TBC1D5: variants seen among roughly 807,000 people sequenced by gnomAD.
TBC1D5 encodes the protein TBC1 domain family member 5, also known as TBC1 domain family, member 5.
In TBC1D5, 75 loss-of-function variants were observed where a neutral mutation model predicts 100.3. That is an observed-to-expected ratio of 0.75 (90% CI 0.62 to 0.91). The LOEUF (loss-of-function observed/expected upper bound fraction) is 0.91. Ranked by LOEUF, TBC1D5 falls within the 40% of genes least tolerant of loss-of-function variation. The pLI is 0.00. For missense variants in TBC1D5, 910 were observed against 942.4 expected, an observed-to-expected ratio of 0.97 and a Z score of 0.45; for synonymous variants, 323 against 325.6, an observed-to-expected ratio of 0.99 and a Z score of 0.09.
intron 3 of TBC1D5, among the ~76,000 whole-genome samples, chr3:17,486,563 C>A (rs943943346): frequency 6.6e-6 from 1 of 152,096 alleles, no homozygotes; most frequent in Non-Finnish European, 1.5e-5. Flanking sequence ...CAGGGAACTC[C>A]CAGGTTCTGC....
In TBC1D5 at chr3:17,672,851, C is replaced by A. The variant is rs17043883; in HGVS notation, c.-100-48938G>T. 3.0e-3 allele frequency among the ~76,000 whole-genome samples: 464 copies of A among 152,254 alleles called. 4 individuals carry two copies. Among genetic ancestry groups the A allele is most frequent in the African/African-American group, 0.011 (440 of 41,558 alleles). ...CAGCTTGTCCGTGTGCTGAAAACAC[C>A]GAGCCCTACAGAGCTCCATGAATAT... is the stretch of plus-strand genomic sequence containing the variant. On this transcript the variant is annotated intron_variant, in intron 1 of 21. Coordinates refer to ENST00000253692, the Ensembl canonical transcript of TBC1D5.
At chr3:17,600,878 A>C (rs905980203) in intron 2 of TBC1D5, among the ~76,000 whole-genome samples, 8 of 152,296 alleles carry the variant, frequency 5.3e-5, no homozygotes, top group Middle Eastern at 3.4e-3. Context: ...AATCCTTGAA[A>C]TATTTCGTGT....
At chr3:17,408,495 G>GT (rs2093834487) in intron 4 of TBC1D5, among the ~76,000 whole-genome samples, 1 of 151,900 alleles carries the variant, frequency 6.6e-6, no homozygotes. Context: ...GGCTACTTTT[G>GT]TAACTTTTTG....
intron 2 of TBC1D5, among the ~76,000 whole-genome samples, chr3:17,612,963 G>C (rs1310717104): frequency 6.7e-6 from 1 of 149,410 alleles, no homozygotes; most frequent in African/African-American, 2.5e-5. Flanking sequence ...GTATACATGT[G>C]CCATGTTGGT....
intron 3 of TBC1D5, among the ~76,000 whole-genome samples, chr3:17,474,120 A>C (rs2150178459): frequency 6.6e-6 from 1 of 152,286 alleles, no homozygotes; most frequent in South Asian, 2.1e-4. Context: ...TTTGAAACAG[A>C]AACTACCTTT....
At chr3:17,268,545 C>T (rs1203656935) in intron 15 of TBC1D5, among the ~76,000 whole-genome samples, 1 of 151,962 alleles carries the variant, frequency 6.6e-6, no homozygotes, top group African/African-American at 2.4e-5. Flanking sequence ...GATATAGTGG[C>T]TGGTATGATC....
rs1412884101 is a variant in TBC1D5 at position 17,301,751 on chromosome 3, G to C, written c.1138+6241C>G. ...ATAATAGGAAAAGATTTGGGAAAAA[G>C]GCTACCTTGCCCTAGGCCTGAAAAT... On this transcript the variant is annotated intron_variant, in intron 14 of 21. Coordinates refer to ENST00000253692, the Ensembl canonical transcript of TBC1D5. Among the ~76,000 whole-genome samples the C allele has an allele frequency of 2.6e-5, 4 of 152,182 alleles. No individual in the cohort carries two copies. The South Asian group carries it at 8.3e-4, about 32-fold the overall frequency.
At chr3:17,540,034 C>T (rs1576595453) in intron 2 of TBC1D5, among the ~76,000 whole-genome samples, 1 of 152,184 alleles carries the variant, frequency 6.6e-6, no homozygotes, top group African/African-American at 2.4e-5. Flanking sequence ...TAGTAGCCAT[C>T]CTAATGGGTG....
At chr3:17,422,716 AATG>A (rs574242089) in intron 4 of TBC1D5, among the ~76,000 whole-genome samples, 1,580 of 152,238 alleles carry the variant, frequency 0.01, 28 homozygotes, top group African/African-American at 0.036. Context: ...AATAAATGTA[AATG>A]ATGAAAAGAT....
chr3:17,637,258 G>A (rs2064048948), intron 1 of TBC1D5, among the ~76,000 whole-genome samples: 1 of 137,614 alleles, frequency 7.3e-6, no homozygotes, highest in South Asian at 2.3e-4. Flanking sequence ...TAGCCAGGAT[G>A]GTCTCAATCT....
At chr3:17,200,104 T>C (rs191444324) in intron 18 of TBC1D5, among the ~76,000 whole-genome samples, 15 of 152,346 alleles carry the variant, frequency 9.8e-5, no homozygotes, top group Admixed American at 4.6e-4. Flanking sequence ...TTTTCAAATA[T>C]AGCCTATAAC....
chr3:17,688,380 C>T (rs2070633717), intron 1 of TBC1D5, among the ~76,000 whole-genome samples: 1 of 152,112 alleles, frequency 6.6e-6, no homozygotes, highest in Non-Finnish European at 1.5e-5. Context: ...TTTATCCATA[C>T]ATTTCATTAA....
At chr3:17,701,917 G>A (rs371149050) in intron 1 of TBC1D5, among the ~76,000 whole-genome samples, 2 of 151,348 alleles carry the variant, frequency 1.3e-5, no homozygotes, top group African/African-American at 2.4e-5. Flanking sequence ...AAGGACAAGA[G>A]GACTTAGTAA....
At chr3:17,417,175 CATTT>C (rs974593271) in intron 4 of TBC1D5, among the ~76,000 whole-genome samples, 1 of 151,884 alleles carries the variant, frequency 6.6e-6, no homozygotes, top group Non-Finnish European at 1.5e-5. Flanking sequence ...ATTTTTTTGA[CATTT>C]ATTTTTTATT....
At chr3:17,684,117 T>G (rs376267617) in intron 1 of TBC1D5, among the ~76,000 whole-genome samples, 2 of 152,024 alleles carry the variant, frequency 1.3e-5, no homozygotes, top group African/African-American at 4.8e-5. Context: ...AAGACCACAT[T>G]GGCATTACTG....
At chr3:17,467,985 G>T (rs1291640774) in intron 3 of TBC1D5, among the ~76,000 whole-genome samples, 2 of 152,148 alleles carry the variant, frequency 1.3e-5, no homozygotes, top group African/African-American at 4.8e-5. Flanking sequence ...GACTCCAAGT[G>T]AAGTAAAGAG....
chr3:17,167,764 C>G (rs1559338282), exon 20 of TBC1D5: 1 of 1,613,542 alleles, frequency 6.2e-7, no homozygotes, highest in Non-Finnish European at 8.5e-7. Context: ...TTAATCCTGC[C>G]AGGGAAACCA....
At position 17,505,471 on chromosome 3, in the gene TBC1D5, T is replaced by A. The variant is rs566238535; in HGVS notation, c.97+3003A>T. Among the ~76,000 whole-genome samples the A allele has an allele frequency of 2.0e-5, 3 of 152,282 alleles. No individual in the cohort carries two copies. The East Asian group carries it at 5.8e-4, about 29-fold the overall frequency. ...ATAAGCCAATTAAAGCAATTTTCTT[T>A]ATAAATTGCCAGCCTCAGGTATTTC... On this transcript the variant is annotated intron_variant, in intron 3 of 21. Coordinates refer to ENST00000253692, the Ensembl canonical transcript of TBC1D5.
chr3:17,547,528 T>C (rs771143526), intron 2 of TBC1D5, among the ~76,000 whole-genome samples: 18 of 152,330 alleles, frequency 1.2e-4, no homozygotes, highest in Middle Eastern at 3.4e-3. Context: ...TAAAATGTAA[T>C]TTAGCAGAAT....
Sources: gnomAD v4.1 joint callset for allele counts (sites outside exome capture counted in the v4.1 genomes callset) on GRCh38, gnomAD v4.1.1 for gene constraint, MANE v1.5 for transcripts, NCBI Gene and HGNC (gene_info 2026-07-23, HGNC 2026-07-21) for gene names.